Variants in ATP8A2 observed in about 807,000 individuals in gnomAD.
ATP8A2 encodes the protein ATPase phospholipid transporting 8A2, also known as phospholipid-transporting ATPase IB.
Under a neutral mutation model 165.6 loss-of-function variants are expected in ATP8A2, and 100 were observed. The observed-to-expected ratio is 0.60, with a 90% CI of 0.51 to 0.71. The LOEUF is 0.71. Ranked by LOEUF, ATP8A2 falls within the 30% of genes least tolerant of loss-of-function variation. The pLI, the probability that ATP8A2 is intolerant of heterozygous loss-of-function variation, is 0.00. For missense variants in ATP8A2, 1,227 were observed against 1,479.5 expected (o/e 0.83, Z 2.80); for synonymous variants, 543 against 548.8 (o/e 0.99, Z 0.15).
chr13:25,643,532 G>A (rs1479235902), intron 24 of ATP8A2, among the ~76,000 whole-genome samples: 1 of 152,076 alleles, frequency 6.6e-6, no homozygotes, highest in Non-Finnish European at 1.5e-5. Flanking sequence ...TAAAGAGACT[G>A]TCCTTTTCCC....
At chr13:25,720,108 A>T (rs2043341599) in intron 25 of ATP8A2, among the ~76,000 whole-genome samples, 1 of 151,868 alleles carries the variant, frequency 6.6e-6, no homozygotes, top group South Asian at 2.1e-4. Flanking sequence ...CCTTCTAGTT[A>T]AAATACCCAG....
intron 33 of ATP8A2, among the ~76,000 whole-genome samples, chr13:25,910,604 A>C (rs1954075113): frequency 6.6e-6 from 1 of 152,150 alleles, no homozygotes; most frequent in African/African-American, 2.4e-5. Flanking sequence ...TATTGGAAAA[A>C]CATGGGACAA....
intron 27 of ATP8A2, among the ~76,000 whole-genome samples, chr13:25,780,130 G>A (rs2044839595): frequency 1.3e-5 from 2 of 152,028 alleles, no homozygotes; most frequent in African/African-American, 2.4e-5. Context: ...AAAATAATAG[G>A]GACATTACTT....
At chr13:25,791,837 T>A (rs2045187510) in intron 27 of ATP8A2, among the ~76,000 whole-genome samples, 1 of 152,214 alleles carries the variant, frequency 6.6e-6, no homozygotes, top group Non-Finnish European at 1.5e-5. Context: ...TAGACCCTTG[T>A]TTCCTTCTTG....
intron 25 of ATP8A2, among the ~76,000 whole-genome samples, chr13:25,720,093 A>G (rs2043341126): frequency 6.6e-6 from 1 of 151,672 alleles, no homozygotes. Flanking sequence ...TCTTGTATAA[A>G]GTTACCTTCT....
chr13:25,830,192 T>C (rs879415390), intron 28 of ATP8A2, among the ~76,000 whole-genome samples: 6 of 151,846 alleles, frequency 4.0e-5, no homozygotes, highest in Non-Finnish European at 7.4e-5. Flanking sequence ...AACATTTTTT[T>C]TGTGGAAATG....
Position 25,373,466 on chromosome 13 carries a change from G to A in ATP8A2, c.76+1178G>A, listed in dbSNP as rs372848631. On this transcript the variant is annotated intron_variant, in intron 1 of 36. Transcript: ENST00000381655. ...AGGGTCAAGACTAAATAGCAGGGAA[G>A]AGCTGTGGCAGAGAGACAGTGGGAG... 3.3e-5 allele frequency among the ~76,000 whole-genome samples: 5 copies of A among 152,168 alleles called. No homozygotes were observed. The East Asian group carries it at 7.7e-4, about 23-fold the overall frequency.
chr13:25,402,250 T>C (rs954199724), intron 1 of ATP8A2, among the ~76,000 whole-genome samples: 1 of 152,136 alleles, frequency 6.6e-6, no homozygotes, highest in Non-Finnish European at 1.5e-5. Flanking sequence ...TTATGAGTTG[T>C]TTATTTCTGG....
intron 35 of ATP8A2, among the ~76,000 whole-genome samples, chr13:26,000,302 G>A (rs1332151444): frequency 6.6e-6 from 1 of 152,094 alleles, no homozygotes; most frequent in South Asian, 2.1e-4. Context: ...CTGTGATTCC[G>A]GTCAGTTGTA....
chr13:25,596,928 C>T (rs765951349), intron 24 of ATP8A2, among the ~76,000 whole-genome samples: 8 of 152,046 alleles, frequency 5.3e-5, no homozygotes, highest in Non-Finnish European at 1.2e-4. Context: ...TACTGTCAGT[C>T]GTTTTAATTT....
chr13:25,776,274 A>G (rs1426688134), intron 27 of ATP8A2, among the ~76,000 whole-genome samples: 6 of 152,204 alleles, frequency 3.9e-5, no homozygotes, highest in African/African-American at 1.4e-4. Context: ...TTCTTAAGGA[A>G]TGTTCCAAGC....
chr13:25,480,565 G>T (rs61947640), intron 2 of ATP8A2, among the ~76,000 whole-genome samples: 1 of 150,826 alleles, frequency 6.6e-6, no homozygotes, highest in Non-Finnish European at 1.5e-5. Flanking sequence ...ATGGGCGGCC[G>T]GGCAGAGACG....
chr13:25,739,861 C>T (rs372744215), intron 25 of ATP8A2, among the ~76,000 whole-genome samples: 8 of 152,132 alleles, frequency 5.3e-5, no homozygotes, highest in East Asian at 1.9e-4. Context: ...CACACTAATG[C>T]GGCTGGGAAA....
intron 1 of ATP8A2, among the ~76,000 whole-genome samples, chr13:25,398,332 A>T (rs1033899): frequency 0.8 from 121,646 of 151,804 alleles, 49,063 homozygotes; most frequent in Middle Eastern, 0.87. Flanking sequence ...TTTAATGTTA[A>T]TGATGGTCAT....
At chr13:25,836,301 G>A (rs1305278712) in intron 28 of ATP8A2, among the ~76,000 whole-genome samples, 4 of 152,150 alleles carry the variant, frequency 2.6e-5, no homozygotes. Flanking sequence ...GGGGCCGAGT[G>A]CAGGAGCTCA....
chr13:25,621,991 G>A (rs1223738121), intron 24 of ATP8A2, among the ~76,000 whole-genome samples: 2 of 152,014 alleles, frequency 1.3e-5, no homozygotes, highest in African/African-American at 2.4e-5. Flanking sequence ...TGGACAACAT[G>A]GTGAAACCCC....
intron 24 of ATP8A2, 123 bp downstream of exon 24, chr13:25,589,822 T>G (rs2040022538): frequency 1.7e-6 from 1 of 600,564 alleles, no homozygotes. Context: ...ACTGTGTTTA[T>G]TTTCTGTTTA....
At chr13:25,632,437 A>T (rs1480629432) in intron 24 of ATP8A2, among the ~76,000 whole-genome samples, 1 of 152,130 alleles carries the variant, frequency 6.6e-6, no homozygotes, top group African/African-American at 2.4e-5. Flanking sequence ...AGGGTGACCT[A>T]GGGGTCACTG....
At chr13:25,548,245 C>A (rs1179759142) in intron 10 of ATP8A2, among the ~76,000 whole-genome samples, 1 of 151,188 alleles carries the variant, frequency 6.6e-6, no homozygotes, top group Non-Finnish European at 1.5e-5. Context: ...AACAAACAAA[C>A]AAAACAAAAG....
Sources: allele counts gnomAD v4.1 joint callset (sites outside exome capture counted in the v4.1 genomes callset), GRCh38; gene constraint gnomAD v4.1.1; transcripts MANE v1.5; gene names NCBI Gene and HGNC (gene_info 2026-07-23, HGNC 2026-07-21).